ADGRF1: variants seen among roughly 807,000 people sequenced by gnomAD.
ADGRF1 encodes the protein adhesion G protein-coupled receptor F1, also known as G protein-coupled receptor 110.
ADGRF1 carries 85 observed loss-of-function variants against 87.2 expected under a neutral mutation model. The ratio of observed to expected loss-of-function variants is 0.97; its 90% CI spans 0.82 to 1.17. ADGRF1 has a LOEUF of 1.17. Ranked by LOEUF, ADGRF1 falls within the 50% of genes most tolerant of loss-of-function variation. The probability of loss-of-function intolerance (pLI) is 0.00; values close to 1 mark genes in which losing one functional copy is unlikely to be tolerated. For missense variants in ADGRF1, 1,169 were observed against 1,077.2 expected (o/e 1.09, Z -1.19); for synonymous variants, 430 against 408.8 (o/e 1.05, Z -0.63).
chr6:47,014,529 G>A (rs1016696620), intron 9 of ADGRF1, 152 bp downstream of exon 9: 26 of 1,422,472 alleles, frequency 1.8e-5, no homozygotes, highest in South Asian at 1.4e-4. Context: ...ACGACTCCAC[G>A]GGTTCACCAG....
In ADGRF1 at chr6:47,013,190, C is replaced by T. The variant is rs186133223; in HGVS notation, c.928-995G>A. The stretch of plus-strand genomic sequence containing the variant: ...CCACTCAACATTAAGTCCACTCAGG[C>T]GCCCAAGTGCCCGCCATTTTCCTTC... On this transcript the variant is annotated intron_variant, in intron 9 of 14. Transcript: ENST00000371253. The T allele has an allele frequency of 5.3e-4, 522 of 985,524 alleles. 3 individuals are homozygous for T. The African/African-American group carries it at 8.2e-3, about 15-fold the overall frequency. 61.0% of individuals were successfully genotyped at this position (985,524 alleles called of 1,614,324 possible). A position where few individuals can be genotyped will look rare whatever the true frequency, so the allele number is the denominator to read the frequency against.
intron 9 of ADGRF1, chr6:47,013,324 A>C (rs1268851381): frequency 2.0e-6 from 2 of 985,434 alleles, no homozygotes; most frequent in Non-Finnish European, 2.4e-6. Flanking sequence ...CAACGAAGGC[A>C]AGAGCAAGAA....
chr6:47,005,849 A>G lies in ADGRF1; in HGVS notation c.2560T>C (p.Ser854Pro). 6.2e-7 allele frequency: 1 copy of G among 1,612,342 alleles called. No homozygotes were observed. Among genetic ancestry groups the G allele is most frequent in the Non-Finnish European group, 8.5e-7 (1 of 1,179,184 alleles). Residue 854 changes from serine to proline, a missense_variant, in exon 13 of 15, where the codon TCT (serine) becomes CCT (proline). By Grantham distance (74) the Ser-to-Pro change is moderately conservative (BLOSUM62 -1). Coordinates refer to ENST00000371253, the MANE Select transcript of ADGRF1 (RefSeq NM_153840.4). ...KLRQLLFNKL[S>P]ALSSWKQTEK... is the part of the protein sequence containing the mutation. ...GTTTGCTTCCAAGAACTTAAGGCAGACAACTTGTTGAACAGAAGTTGTCGC... is the reference window on the plus strand; with the variant it reads ...GTTTGCTTCCAAGAACTTAAGGCAGGCAACTTGTTGAACAGAAGTTGTCGC...
intron 1 of ADGRF1, among the ~76,000 whole-genome samples, chr6:47,041,149 C>G (rs984212208): frequency 6.6e-6 from 1 of 152,152 alleles, no homozygotes; most frequent in Non-Finnish European, 1.5e-5. Flanking sequence ...CAATGTTTTA[C>G]TACTTGTCAA....
At chr6:47,018,660 C>T in intron 7 of ADGRF1, 1 of 1,251,342 alleles carries the variant, frequency 8.0e-7, no homozygotes, top group South Asian at 1.3e-5. Context: ...GCCTGTAATC[C>T]CAGCACTTTG....
chr6:47,010,347 T>C (rs1377131934), intron 10 of ADGRF1, 29 bp from the exon 11 acceptor site: 4 of 1,549,718 alleles, frequency 2.6e-6, no homozygotes, highest in East Asian at 2.3e-5. Flanking sequence ...AGTCAGTTTG[T>C]GTTTTTGAGT....
intron 9 of ADGRF1, chr6:47,014,466 C>T: frequency 7.8e-7 from 1 of 1,287,716 alleles, no homozygotes; most frequent in Non-Finnish European, 9.9e-7. Context: ...ACTATCAACT[C>T]TGTCTTTTGA....
At chr6:47,025,688 T>A (rs1321454319) in intron 4 of ADGRF1, among the ~76,000 whole-genome samples, 166 bp downstream of exon 4, 4 of 152,218 alleles carry the variant, frequency 2.6e-5, no homozygotes, top group African/African-American at 9.6e-5. Flanking sequence ...AATACAGCCC[T>A]CTGCCAATCT....
rs572339237 is a variant in ADGRF1, at chr6:47,022,121, T to C, written c.452-63A>G. 424 of 913,566 alleles carry C rather than the reference T, an allele frequency of 4.6e-4. 4 individuals carry two copies. The Middle Eastern group carries it at 5.1e-3, about 11-fold the overall frequency. 56.6% of individuals were successfully genotyped at this position (913,566 alleles called of 1,614,324 possible). A position where few individuals can be genotyped will look rare whatever the true frequency, so the allele number is the denominator to read the frequency against. On this transcript the variant is annotated intron_variant, in intron 5 of 14. Coordinates refer to ENST00000371253, the MANE Select transcript of ADGRF1 (RefSeq NM_153840.4). ...TTTCTAACTTGATTTACTAGTAGCA[T>C]ACAATTATAGAAGTACAATTCAGAG... is the stretch of plus-strand genomic sequence containing the variant.
rs1456928694 is a variant in ADGRF1, at chr6:46,998,547, AG to A, written c.*1674del. 2 of 152,278 alleles carry A rather than the reference AG, an allele frequency of 1.3e-5. No individual in the cohort carries two copies. The highest frequency in any genetic ancestry group is 4.8e-5 in the African/African-American group (2 of 41,458). 9.4% of individuals were successfully genotyped at this position (152,278 alleles called of 1,614,324 possible). On this transcript the variant is annotated 3_prime_UTR_variant, in exon 15 of 15. Coordinates refer to ENST00000371253, the MANE Select transcript of ADGRF1 (RefSeq NM_153840.4). The stretch of plus-strand genomic sequence containing the variant: ...GCTATTCTCAACACAGAACTCATTC[AG>A]GGCTCTACTACCGGAGCTGTGGCCA...
chr6:47,033,676 G>A (rs539630292), intron 1 of ADGRF1, among the ~76,000 whole-genome samples: 1 of 152,352 alleles, frequency 6.6e-6, no homozygotes, highest in African/African-American at 2.4e-5. Context: ...GACTCAAAAA[G>A]AATTAGGCAG....
chr6:47,021,920 G>C, intron 6 of ADGRF1, 38 bp downstream of exon 6: 2 of 1,109,402 alleles, frequency 1.8e-6, no homozygotes, highest in Non-Finnish European at 2.7e-6. Flanking sequence ...CTTGAGTGTA[G>C]CAAACGATTC....
At chr6:47,031,668 C>T (rs1043062324) in intron 1 of ADGRF1, among the ~76,000 whole-genome samples, 6 of 152,088 alleles carry the variant, frequency 3.9e-5, no homozygotes, top group Non-Finnish European at 5.9e-5. Flanking sequence ...TGGGTGTCCC[C>T]GTCTCACCCT....
intron 2 of ADGRF1, among the ~76,000 whole-genome samples, chr6:47,028,754 T>C (rs1214856744): frequency 6.6e-6 from 1 of 152,130 alleles, no homozygotes; most frequent in Non-Finnish European, 1.5e-5. Context: ...CTAAGATAGT[T>C]TAATCAAAGA....
chr6:47,012,456 C>A (rs567826185), intron 9 of ADGRF1: 8 of 578,116 alleles, frequency 1.4e-5, no homozygotes, highest in Non-Finnish European at 1.9e-5. Context: ...TCATTGAATT[C>A]TTTCAATATC....
chr6:47,022,026 A>G lies in ADGRF1; in HGVS notation c.484T>C (p.Phe162Leu). The G allele has an allele frequency of 6.3e-7, 1 of 1,583,374 alleles. No homozygotes were observed. Among genetic ancestry groups the G allele is most frequent in the Non-Finnish European group, 8.6e-7 (1 of 1,168,760 alleles). ...GATGAATTCAAAAGGTCATTTGTAA[A>G]CCTTTCATTAATTTTGAAAGTGCCC... ...IWGTFKINER[F>L]TNDLLNSSSA... The change falls in exon 6 of 15, where the codon TTT (phenylalanine) becomes CTT (leucine). Residue 162 changes from phenylalanine (F) to leucine (L), a missense_variant. Phe to Leu is a conservative substitution (Grantham distance 22). Coordinates refer to ENST00000371253, the MANE Select transcript of ADGRF1 (RefSeq NM_153840.4).
chr6:47,007,788 C>A (rs899687637), intron 11 of ADGRF1, among the ~76,000 whole-genome samples: 1 of 152,156 alleles, frequency 6.6e-6, no homozygotes, highest in African/African-American at 2.4e-5. Context: ...AATTCCTTCT[C>A]TCAGGCATAG....
Position 47,014,753 on chromosome 6 carries a change from G to A in ADGRF1, c.855C>T (p.Ala285=), listed in dbSNP as rs1319609503. 1.2e-6 allele frequency: 2 copies of A among 1,613,988 alleles called. No homozygotes were observed. Among genetic ancestry groups the A allele is most frequent in the Admixed American group, 1.7e-5 (1 of 60,008 alleles). Reference sequence around the variant, plus strand: ...CCTGCCACCCAGAGGACTCACACTTGGCTGTGATGTTTCCCCTGTAGCCAC... The same window carrying A: ...CCTGCCACCCAGAGGACTCACACTTAGCTGTGATGTTTCCCCTGTAGCCAC... ...CSSGYRGNIT[A]KCESSGWQVI... The change falls in exon 9 of 15, where the codon GCC becomes GCT. Residue 285 remains alanine, a synonymous_variant. Coordinates refer to ENST00000371253, the MANE Select transcript of ADGRF1 (RefSeq NM_153840.4).
At chr6:47,000,555 A>G (rs1360645664) in intron 14 of ADGRF1, among the ~76,000 whole-genome samples, 1 of 152,170 alleles carries the variant, frequency 6.6e-6, no homozygotes, top group Admixed American at 6.5e-5. Context: ...AAGTAGATTG[A>G]GATCACAATA....
Sources: gnomAD v4.1 joint callset for allele counts (sites outside exome capture counted in the v4.1 genomes callset) on GRCh38, gnomAD v4.1.1 for gene constraint, MANE v1.5 for transcripts, NCBI Gene and HGNC (gene_info 2026-07-23, HGNC 2026-07-21) for gene names.